PEBP4: variants seen among roughly 807,000 people sequenced by gnomAD.
PEBP4 encodes the protein phosphatidylethanolamine binding protein 4.
PEBP4 carries 22 observed loss-of-function variants against 23.9 expected under a neutral mutation model. The observed-to-expected ratio is 0.92, with a 90% CI of 0.66 to 1.31. PEBP4 has a LOEUF of 1.31. PEBP4 is among the 40% of genes most tolerant of loss of function. The pLI is 0.00. For synonymous variants in PEBP4, 112 were observed against 99.3 expected (o/e 1.13, Z -0.76); for missense variants, 324 against 281.7 (o/e 1.15, Z -1.07).
chr8:22,834,376 G>A (rs186209610), intron 3 of PEBP4, among the ~76,000 whole-genome samples: 34 of 152,346 alleles, frequency 2.2e-4, no homozygotes, highest in Non-Finnish European at 4.7e-4. Flanking sequence ...CCCCAAGGAC[G>A]GGTTCGAATT....
At chr8:22,740,025 C>A (rs1804956216) in intron 4 of PEBP4, among the ~76,000 whole-genome samples, 2 of 152,170 alleles carry the variant, frequency 1.3e-5, no homozygotes, top group Non-Finnish European at 1.5e-5. Context: ...CCCTCCTTTG[C>A]CCTATTTTAG....
chr8:22,909,791 G>T (rs75271065), intron 3 of PEBP4, among the ~76,000 whole-genome samples: 22,219 of 152,168 alleles, frequency 0.15, 1,825 homozygotes, highest in Middle Eastern at 0.21. Context: ...GTGAAATGAG[G>T]GCACTCATGC....
At chr8:22,764,336 G>A (rs528901982) in intron 4 of PEBP4, among the ~76,000 whole-genome samples, 1 of 152,148 alleles carries the variant, frequency 6.6e-6, no homozygotes. Flanking sequence ...ACCTCCTCCA[G>A]GGTCTCTCTT....
chr8:22,773,171 C>G (rs1805750001), intron 4 of PEBP4, among the ~76,000 whole-genome samples: 1 of 152,200 alleles, frequency 6.6e-6, no homozygotes, highest in South Asian at 2.1e-4. Flanking sequence ...TAAATTAGCA[C>G]TAATTGGTTT....
intron 3 of PEBP4, among the ~76,000 whole-genome samples, chr8:22,856,047 C>CA (rs34409506): frequency 0.52 from 47,505 of 91,474 alleles, 12,702 homozygotes; most frequent in East Asian, 0.7. Context: ...GACCCTGTCT[C>CA]AAAAAAAAAA....
intron 4 of PEBP4, among the ~76,000 whole-genome samples, chr8:22,765,531 G>A (rs1343774171): frequency 1.3e-5 from 2 of 152,162 alleles, no homozygotes; most frequent in African/African-American, 2.4e-5. Context: ...AACCACCTGG[G>A]AGGGACCCCC....
chr8:22,930,909 TC>T (rs913656043), upstream of PEBP4, among the ~76,000 whole-genome samples: 3 of 152,126 alleles, frequency 2.0e-5, no homozygotes, highest in Admixed American at 1.3e-4. Context: ...CCCCCTCTCT[TC>T]CTTCAGTTAC....
chr8:22,917,228 C>T (rs1809096680), intron 3 of PEBP4, among the ~76,000 whole-genome samples: 3 of 152,122 alleles, frequency 2.0e-5, no homozygotes, highest in Admixed American at 2.0e-4. Flanking sequence ...TAGCAGTCAC[C>T]AACTCGTGCC....
At chr8:22,788,843 C>T (rs1400252990) in intron 4 of PEBP4, among the ~76,000 whole-genome samples, 1 of 152,134 alleles carries the variant, frequency 6.6e-6, no homozygotes, top group South Asian at 2.1e-4. Context: ...GTATTCACAA[C>T]TTTGTTCATT....
intron 3 of PEBP4, among the ~76,000 whole-genome samples, chr8:22,837,045 T>A (rs541963620): frequency 2.6e-5 from 4 of 152,328 alleles, no homozygotes; most frequent in Admixed American, 2.6e-4. Context: ...GGCACTGCCA[T>A]TTTGTGAAAT....
intron 3 of PEBP4, among the ~76,000 whole-genome samples, chr8:22,869,947 A>G (rs1807975613): frequency 6.6e-6 from 1 of 152,250 alleles, no homozygotes; most frequent in Non-Finnish European, 1.5e-5. Context: ...ACTCTCATTC[A>G]TTGCTGGTGG....
intron 4 of PEBP4, among the ~76,000 whole-genome samples, chr8:22,815,748 C>A (rs1664072065): frequency 6.6e-6 from 1 of 152,320 alleles, no homozygotes; most frequent in East Asian, 1.9e-4. Flanking sequence ...TCACCTGCCA[C>A]CTGTTCTACT....
At chr8:22,831,598 G>A (rs1211817216) in intron 3 of PEBP4, among the ~76,000 whole-genome samples, 1 of 152,148 alleles carries the variant, frequency 6.6e-6, no homozygotes, top group African/African-American at 2.4e-5. Context: ...TAGCCTACAG[G>A]GGGAGTTGGA....
At chr8:22,851,507 A>C (rs1807549595) in intron 3 of PEBP4, among the ~76,000 whole-genome samples, 1 of 152,144 alleles carries the variant, frequency 6.6e-6, no homozygotes, top group Non-Finnish European at 1.5e-5. Context: ...ACAGAGAAGG[A>C]AACTGAGCTC....
intron 4 of PEBP4, among the ~76,000 whole-genome samples, chr8:22,761,383 G>A (rs763035735): frequency 4.0e-5 from 6 of 151,688 alleles, no homozygotes; most frequent in Non-Finnish European, 7.4e-5. Flanking sequence ...CTGACATGGC[G>A]AGGGGAGGCT....
At chr8:22,885,940 C>A (rs1808364047) in intron 3 of PEBP4, 3 of 152,184 alleles carry the variant, frequency 2.0e-5, no homozygotes, top group Non-Finnish European at 4.4e-5. Context: ...GCAGGGTTGA[C>A]TTATGCATCC....
chr8:22,750,318 T>C (rs1300309703), intron 4 of PEBP4, among the ~76,000 whole-genome samples: 1 of 151,952 alleles, frequency 6.6e-6, no homozygotes, highest in Non-Finnish European at 1.5e-5. Context: ...GTCAGGCTGG[T>C]CTCAAACCCC....
chr8:22,844,828 G>A (rs1027958053), intron 3 of PEBP4, among the ~76,000 whole-genome samples: 1 of 152,156 alleles, frequency 6.6e-6, no homozygotes, highest in Non-Finnish European at 1.5e-5. Flanking sequence ...AAAGCCATTG[G>A]TCCTTAGTTG....
chr8:22,889,152 C>G (rs1808443102), intron 3 of PEBP4, among the ~76,000 whole-genome samples: 1 of 152,214 alleles, frequency 6.6e-6, no homozygotes, highest in Non-Finnish European at 1.5e-5. Context: ...ACTCAAAAGA[C>G]CTGGGTTTGA....
Sources: gnomAD v4.1 joint callset for allele counts (sites outside exome capture counted in the v4.1 genomes callset) on GRCh38, gnomAD v4.1.1 for gene constraint, MANE v1.5 for transcripts, NCBI Gene and HGNC (gene_info 2026-07-23, HGNC 2026-07-21) for gene names.